SPATA13: variants seen among roughly 807,000 people sequenced by gnomAD.
SPATA13 encodes the protein spermatogenesis-associated protein 13.
SPATA13 carries 50 observed loss-of-function variants against 104.0 expected under a neutral mutation model. The ratio of observed to expected loss-of-function variants is 0.48; its 90% CI spans 0.38 to 0.61. The LOEUF (loss-of-function observed/expected upper bound fraction) is 0.61. Among genes scored for constraint, SPATA13 ranks in the 20% least tolerant of loss-of-function variants. The pLI is 0.00. For missense variants in SPATA13, 1,524 were observed against 1,690.6 expected (o/e 0.90, Z 1.73); for synonymous variants, 606 against 667.5 (o/e 0.91, Z 1.42).
Position 24,251,713 on chromosome 13 carries a change from T to C in SPATA13, c.2020-5T>C. 1 of 1,613,486 alleles carries C rather than the reference T, an allele frequency of 6.2e-7. No homozygotes were observed. Among genetic ancestry groups the C allele is most frequent in the Non-Finnish European group, 8.5e-7 (1 of 1,179,526 alleles). ...CTCCTCACAGATTTTGCTTTCTTTT[T>C]GCAGCCGGCTTCCAGGCCGCCCATG... On this transcript the variant is annotated splice_polypyrimidine_tract_variant and splice_region_variant and intron_variant, in intron 3 of 12. Coordinates refer to ENST00000382108, the MANE Select transcript of SPATA13 (RefSeq NM_001166271.3).
intron 2 of SPATA13, among the ~76,000 whole-genome samples, chr13:23,989,379 G>A (rs942752765): frequency 6.6e-6 from 1 of 151,390 alleles, no homozygotes; most frequent in Non-Finnish European, 1.5e-5. Flanking sequence ...CCGAGATCAC[G>A]CCACTGCACT....
chr13:24,221,648 A>T (rs545290832), intron 1 of SPATA13, among the ~76,000 whole-genome samples: 1 of 152,070 alleles, frequency 6.6e-6, no homozygotes, highest in African/African-American at 2.4e-5. Flanking sequence ...GAAAGTATGT[A>T]TACAGGTGTG....
rs371052420 is a variant in SPATA13, at chr13:24,125,418, C to T, written c.-111-97401C>T. On this transcript the variant is annotated intron_variant, in intron 3 of 14. Coordinates refer to the SPATA13 transcript ENST00000424834. The stretch of plus-strand genomic sequence containing the variant: ...GCAAGAGGCAAAGCAAAGGCAGGAA[C>T]CAGGGGGCATGGAGGGTATGTACTG... 6.2e-4 allele frequency among the ~76,000 whole-genome samples: 95 copies of T among 152,236 alleles called. 1 individual carries two copies. The South Asian group carries it at 0.019, about 31-fold the overall frequency.
intron 3 of SPATA13, among the ~76,000 whole-genome samples, chr13:24,100,260 T>G (rs1880213191): frequency 6.6e-6 from 1 of 152,250 alleles, no homozygotes; most frequent in African/African-American, 2.4e-5. Flanking sequence ...AAGTGGCACC[T>G]ATATTGCCGC....
At chr13:24,175,392 GGAGA>G (rs1328541339) in intron 1 of SPATA13, among the ~76,000 whole-genome samples, 2 of 152,138 alleles carry the variant, frequency 1.3e-5, no homozygotes, top group Non-Finnish European at 2.9e-5. Flanking sequence ...ACTTTGACAA[GGAGA>G]GAGAGGAGTT....
At chr13:24,068,077 G>T (rs1471572871) in intron 3 of SPATA13, among the ~76,000 whole-genome samples, 1 of 152,104 alleles carries the variant, frequency 6.6e-6, no homozygotes, top group Non-Finnish European at 1.5e-5. Context: ...GTATCATGGG[G>T]GTTTGTTGTA....
chr13:23,994,225 C>T (rs1235792521), intron 2 of SPATA13, among the ~76,000 whole-genome samples: 4 of 152,126 alleles, frequency 2.6e-5, no homozygotes, highest in Non-Finnish European at 5.9e-5. Flanking sequence ...ATAAAAGTAC[C>T]TTTGACCAAA....
At chr13:24,087,859 C>T (rs772081113) in intron 3 of SPATA13, among the ~76,000 whole-genome samples, 2 of 152,174 alleles carry the variant, frequency 1.3e-5, no homozygotes, top group Non-Finnish European at 2.9e-5. Flanking sequence ...CTGATAAGGA[C>T]CCAAGAGGGC....
intron 3 of SPATA13, among the ~76,000 whole-genome samples, chr13:24,111,734 G>A (rs1178115533): frequency 6.6e-6 from 1 of 152,206 alleles, no homozygotes; most frequent in Admixed American, 6.5e-5. Flanking sequence ...TAATCAAATT[G>A]ATCATTTTTT....
chr13:24,299,695 C>T (rs377098623), intron 11 of SPATA13, among the ~76,000 whole-genome samples: 172 of 152,264 alleles, frequency 1.1e-3, no homozygotes, highest in African/African-American at 3.9e-3. Context: ...CAAGCTGGAG[C>T]GAGTACCTGC....
chr13:23,994,119 G>A (rs1161481057), intron 2 of SPATA13, among the ~76,000 whole-genome samples: 1 of 152,200 alleles, frequency 6.6e-6, no homozygotes, highest in South Asian at 2.1e-4. Context: ...CAGTTTTGGG[G>A]TAAAGGAAAT....
intron 2 of SPATA13, among the ~76,000 whole-genome samples, chr13:24,002,663 T>G (rs1876033061): frequency 6.6e-6 from 1 of 152,140 alleles, no homozygotes; most frequent in Non-Finnish European, 1.5e-5. Flanking sequence ...GGAATAGGAC[T>G]GCCGCAAGCC....
intron 1 of SPATA13, 45 bp from the exon 2 acceptor site, chr13:24,222,774 C>T (rs1871666699): frequency 2.7e-6 from 4 of 1,470,268 alleles, no homozygotes; most frequent in Non-Finnish European, 2.7e-6. Flanking sequence ...AGAGGGGCTA[C>T]TGCGTGGGAA....
intron 4 of SPATA13, among the ~76,000 whole-genome samples, chr13:24,266,733 G>A (rs1874313620): frequency 6.6e-6 from 1 of 152,080 alleles, no homozygotes; most frequent in African/African-American, 2.4e-5. Context: ...CCCAGTTCCA[G>A]TGAGGTAGTG....
intron 1 of SPATA13, among the ~76,000 whole-genome samples, chr13:24,201,031 TCACACACACACACACACACACACA>T (rs10529866): frequency 0.6 from 89,935 of 150,316 alleles, 29,944 homozygotes; most frequent in East Asian, 0.82. Context: ...AGCTAGTCAG[TCACACACACACACACACACACACA>T]CACACACACA....
intron 3 of SPATA13, among the ~76,000 whole-genome samples, chr13:24,081,830 C>T (rs1282125405): frequency 1.3e-5 from 2 of 152,192 alleles, no homozygotes; most frequent in East Asian, 1.9e-4. Flanking sequence ...CTTCTGTCCC[C>T]CTGGGTTAAA....
chr13:24,243,718 TGCAGTCCTCTGTG>T (rs1336381520), intron 2 of SPATA13, among the ~76,000 whole-genome samples: 1 of 152,204 alleles, frequency 6.6e-6, no homozygotes, highest in Non-Finnish European at 1.5e-5. Context: ...CAGTTTTCAT[TGCAGTCCTCTGTG>T]GCATCAACTG....
intron 3 of SPATA13, among the ~76,000 whole-genome samples, chr13:24,108,220 C>T (rs1485049885): frequency 1.3e-5 from 2 of 152,234 alleles, no homozygotes; most frequent in East Asian, 3.8e-4. Context: ...TTAATCACCG[C>T]CTAAAGGCTC....
In SPATA13 at chr13:24,011,127, C is replaced by G. The variant is rs999356363; in HGVS notation, c.-146-6540C>G. ...CAGGTCCTGACCACCTGGCCGTGGG[C>G]CCCTCCCTGTAGAGCCACACTGCAG... On this transcript the variant is annotated intron_variant, in intron 2 of 14. Coordinates refer to the SPATA13 transcript ENST00000424834. This position sits in a 1 kb window ranked among gnomAD's most constrained non-coding sequence, Gnocchi z 4.3. Among the ~76,000 whole-genome samples the G allele has an allele frequency of 6.6e-6, 1 of 152,128 alleles. No individual in the cohort carries two copies.
Sources: gnomAD v4.1 joint callset for allele counts (sites outside exome capture counted in the v4.1 genomes callset) on GRCh38, gnomAD v4.1.1 for gene constraint, Gnocchi (gnomAD v3.1) non-coding constraint, MANE v1.5 for transcripts, NCBI Gene and HGNC (gene_info 2026-07-23, HGNC 2026-07-21) for gene names.